NEB: variants seen among roughly 807,000 people sequenced by gnomAD.
NEB encodes the protein nebulin.
A neutral mutation model predicts 952.2 loss-of-function variants in NEB; 512 were observed. That is an observed-to-expected ratio of 0.54 (90% CI 0.50 to 0.58). The LOEUF (loss-of-function observed/expected upper bound fraction) is 0.58. Ranked by LOEUF, NEB falls within the 20% of genes least tolerant of loss-of-function variation. NEB has a pLI of 0.00. For missense variants in NEB, 8,428 were observed against 9,231.1 expected, an observed-to-expected ratio of 0.91 and a Z score of 3.56; for synonymous variants, 2,900 against 3,149.8, an observed-to-expected ratio of 0.92 and a Z score of 2.66.
intron 167 of NEB, among the ~76,000 whole-genome samples, 175 bp downstream of exon 167, chr2:151,502,618 C>A (rs563123280): frequency 5.9e-5 from 9 of 152,006 alleles, no homozygotes; most frequent in Non-Finnish European, 1.3e-4. Context: ...TTAGAGAAAA[C>A]ACAGTTAAAA....
At chr2:151,530,256 T>C (rs898759222) in intron 145 of NEB, among the ~76,000 whole-genome samples, 1 of 152,206 alleles carries the variant, frequency 6.6e-6, no homozygotes. Flanking sequence ...TTTTGGTATA[T>C]GTGGGTTTGG....
rs377243130 is a variant in NEB at position 151,545,900 on chromosome 2, T to C, written c.20565A>G (p.Thr6855=). The change falls in exon 135 of 182, where the codon ACA becomes ACG. Residue 6855 remains threonine (T), a synonymous_variant. Transcript: ENST00000397345. The part of the protein sequence containing the change: ...PEYRKVQELK[T]HLSELVYRAA... ...AAAGCGTCCTTACCTCACTCAGATG[T>C]GTCTTCAGTTCTTGCACTTTTCTGT... The C allele has an allele frequency of 1.4e-5, 23 of 1,599,082 alleles. No homozygotes were observed. The African/African-American group carries it at 2.7e-4, about 19-fold the overall frequency.
Position 151,619,539 on chromosome 2 carries a change from T to C in NEB, c.10784A>G (p.Asp3595Gly). Reference sequence around the variant, plus strand: ...CCATTCATGCAGAGGATGTTTATAGTCCACATCGCTGACCAAGGTCTGACA... The same window carrying C: ...CCATTCATGCAGAGGATGTTTATAGCCCACATCGCTGACCAAGGTCTGACA... ...KKCQTLVSDV[D>G]YKHPLHEWIC... Residue 3595 changes from aspartate to glycine, a missense_variant, in exon 73 of 182, where the codon GAC becomes GGC. Physicochemically the swap from Asp to Gly is moderately conservative, Grantham distance 94. Transcript: ENST00000397345. 1 of 1,613,964 alleles carries C rather than the reference T, an allele frequency of 6.2e-7. No homozygotes were observed. The highest frequency in any genetic ancestry group is 1.1e-5 in the South Asian group (1 of 91,088).
At chr2:151,540,865 A>G in intron 136 of NEB, 64 bp from the exon 137 acceptor site, 1 of 1,331,940 alleles carries the variant, frequency 7.5e-7, no homozygotes, top group Non-Finnish European at 1.1e-6. Flanking sequence ...CATTCAGTCC[A>G]CTTCATTCAT....
chr2:151,577,995 C>G (rs911274584), intron 105 of NEB, among the ~76,000 whole-genome samples: 1 of 152,206 alleles, frequency 6.6e-6, no homozygotes, highest in Non-Finnish European at 1.5e-5. Flanking sequence ...AATTCGATCA[C>G]TACTTCCACA....
chr2:151,625,592 A>G lies in NEB; in HGVS notation c.10394T>C (p.Ile3465Thr). The G allele has an allele frequency of 6.2e-7, 1 of 1,606,910 alleles. No homozygotes were observed. Among genetic ancestry groups the G allele is most frequent in the South Asian group, 1.1e-5 (1 of 90,226 alleles). The change falls in exon 71 of 182, where the codon ATT becomes ACT. Residue 3465 changes from isoleucine to threonine, a missense_variant. By Grantham distance (89) the Ile-to-Thr change is moderately conservative (BLOSUM62 -1). Transcript: ENST00000397345. ...CATGATTTCAGGTGTATCAGGCATA[A>G]TATGGACTTGGGTCTTGTCTTTGTC... ...AWDKDKTQVH[I>T]MPDTPEIMLA...
Position 151,644,106 on chromosome 2 carries a change from G to C in NEB, c.7668C>G (p.Arg2556=). The change falls in exon 57 of 182, where the codon CGC becomes CGG. Residue 2556 remains arginine (R), a synonymous_variant. Coordinates refer to ENST00000397345, the MANE Select transcript of NEB (RefSeq NM_001164508.2). ...CACCAATGTGGTGGCCGAGCTGCTTGCGAAAGCCTTCCTTGTACTTGTACT... is the reference window on the plus strand; with the variant it reads ...CACCAATGTGGTGGCCGAGCTGCTTCCGAAAGCCTTCCTTGTACTTGTACT... The part of the protein sequence containing the change: ...ASEYKYKEGF[R]KQLGHHIGAR... The C allele has an allele frequency of 6.2e-7, 1 of 1,613,852 alleles. No individual in the cohort carries two copies. The highest frequency in any genetic ancestry group is 8.5e-7 in the Non-Finnish European group (1 of 1,179,808).
chr2:151,489,677 A>G (rs1020584357), intron 181 of NEB, among the ~76,000 whole-genome samples: 7 of 152,192 alleles, frequency 4.6e-5, no homozygotes, highest in Non-Finnish European at 7.3e-5. Context: ...CATTATAGGC[A>G]TGATTCACTA....
At chr2:151,643,761 G>A (rs1328162590) in intron 57 of NEB, 57 bp downstream of exon 57, 3 of 1,581,708 alleles carry the variant, frequency 1.9e-6, no homozygotes, top group Non-Finnish European at 2.6e-6. Flanking sequence ...ATGGGACTCT[G>A]ATACTTTAAA....
At chr2:151,672,320 T>C (rs199725501) in intron 37 of NEB, 49 bp downstream of exon 37, 59 of 1,476,516 alleles carry the variant, frequency 4.0e-5, no homozygotes, top group Non-Finnish European at 4.4e-5. Flanking sequence ...CGAGAAGTGA[T>C]CATCCTTTAA....
chr2:151,539,683 CATTAACAGATT>C (rs1056439204), intron 138 of NEB, among the ~76,000 whole-genome samples: 1 of 152,176 alleles, frequency 6.6e-6, no homozygotes, highest in African/African-American at 2.4e-5. Flanking sequence ...TTCACATCTT[CATTAACAGATT>C]ATTAACAGAT....
chr2:151,687,274 C>T (rs893235666), intron 27 of NEB, 145 bp downstream of exon 27: 11 of 645,418 alleles, frequency 1.7e-5, no homozygotes, highest in Non-Finnish European at 2.9e-5. Flanking sequence ...TCCAGGGCAT[C>T]ATTCTGAAGT....
At chr2:151,531,985 A>G (rs550346485) in intron 143 of NEB, 89 bp from the exon 144 acceptor site, 58 of 737,780 alleles carry the variant, frequency 7.9e-5, no homozygotes, top group African/African-American at 6.7e-4. Context: ...CCAGAGTGGG[A>G]GATGGTATCT....
At chr2:151,697,313 G>A (rs556100050) in intron 15 of NEB, 37 bp downstream of exon 15, 2 of 1,610,280 alleles carry the variant, frequency 1.2e-6, no homozygotes, top group Admixed American at 3.3e-5. Flanking sequence ...TGAGAAAAAT[G>A]TTATTTGGAA....
intron 154 of NEB, 75 bp from the exon 155 acceptor site, chr2:151,519,144 T>G: frequency 1.1e-6 from 1 of 903,230 alleles, no homozygotes; most frequent in Non-Finnish European, 1.8e-6. Context: ...CAAAGTGAGA[T>G]AGCCCATCGT....
At position 151,696,728 on chromosome 2, in the gene NEB, T is replaced by C. The variant is rs1576674181; in HGVS notation, c.1478A>G (p.Tyr493Cys). 8.1e-6 allele frequency: 13 copies of C among 1,613,524 alleles called. No individual in the cohort carries two copies. Among genetic ancestry groups the C allele is most frequent in the African/African-American group, 1.3e-5 (1 of 74,928 alleles). ...KKLDQCKDHT[Y>C]KVHPDKTKFT... The stretch of plus-strand genomic sequence containing the variant: ...TTTTGTCTTATCTGGATGGACTTTG[T>C]AGGTGTGCTGTGGGGAAGCAAAGGC... The change falls in exon 17 of 182, where the codon TAC becomes TGC. Residue 493 changes from tyrosine (Y) to cysteine (C), a missense_variant. This residue lies in a region of NEB where 2,851 missense variants were observed against 2,791.5 expected (regional missense o/e 1.02). Coordinates refer to ENST00000397345, the MANE Select transcript of NEB (RefSeq NM_001164508.2).
In NEB at chr2:151,724,895, T is replaced by C. The variant is rs188718613; in HGVS notation, c.469A>G (p.Ile157Val). 7.7e-4 allele frequency: 1,242 copies of C among 1,613,852 alleles called. 15 individuals carry two copies. Among genetic ancestry groups the C allele is most frequent in the Non-Finnish European group, 1.2e-4 (139 of 1,179,820 alleles). Residue 157 changes from isoleucine (I) to valine (V), a missense_variant, in exon 7 of 182, where the codon ATT becomes GTT. Transcript: ENST00000397345. ...ICHVDEKAKD[I>V]EHAKKVSQQV... ...TGCGACACTTTCTTTGCATGTTCAATATCCTTTGCTTTTTCATCTACGTGA... is the reference window on the plus strand; with the variant it reads ...TGCGACACTTTCTTTGCATGTTCAACATCCTTTGCTTTTTCATCTACGTGA...
chr2:151,639,466 T>TA (rs201272155), intron 62 of NEB, 82 bp from the exon 63 acceptor site: 1,255 of 1,018,178 alleles, frequency 1.2e-3, no homozygotes, highest in African/African-American at 3.5e-3. Flanking sequence ...AAAAACTTTA[T>TA]AAAAAAAAAG....
chr2:151,626,919 A>T, intron 70 of NEB, 83 bp downstream of exon 70: 4 of 1,509,354 alleles, frequency 2.7e-6, no homozygotes, highest in Middle Eastern at 2.3e-4. Context: ...AATTGGATTT[A>T]AAAAAGAGAC....
Sources: allele counts gnomAD v4.1 joint callset (sites outside exome capture counted in the v4.1 genomes callset), GRCh38; gene constraint gnomAD v4.1.1; regional missense constraint gnomAD v4.1.1; transcripts MANE v1.5; gene names NCBI Gene and HGNC (gene_info 2026-07-23, HGNC 2026-07-21).